Variants in MYO5B observed in about 807,000 individuals in gnomAD.
MYO5B encodes myosin VB, also known as unconventional myosin-Vb.
A neutral mutation model predicts 229.3 loss-of-function variants in MYO5B; 143 were observed. The ratio of observed to expected loss-of-function variants is 0.62; its 90% confidence interval spans 0.54 to 0.72. The LOEUF (loss-of-function observed/expected upper bound fraction) is 0.72. MYO5B is among the 30% of genes least tolerant of loss of function. The pLI is 0.00. For missense variants in MYO5B, 2,321 were observed against 2,331.0 expected, an observed-to-expected ratio of 1.00 and a Z score of 0.09; for synonymous variants, 918 against 885.2, an observed-to-expected ratio of 1.04 and a Z score of -0.66.
intron 4 of MYO5B, among the ~76,000 whole-genome samples, chr18:50,022,800 A>C (rs1465339347): frequency 1.3e-5 from 2 of 152,102 alleles, no homozygotes; most frequent in Non-Finnish European, 2.9e-5. Flanking sequence ...GAACCAAGGG[A>C]AGCATCCAGT....
At chr18:49,927,392 C>G (rs570592414) in intron 17 of MYO5B, among the ~76,000 whole-genome samples, 1 of 150,914 alleles carries the variant, frequency 6.6e-6, no homozygotes, top group African/African-American at 2.4e-5. Context: ...CATATGGAAC[C>G]AAAAAAGAGC....
chr18:49,939,148 C>CTTTTTTTTTTTT (rs11313115), intron 14 of MYO5B, among the ~76,000 whole-genome samples: 7 of 119,044 alleles, frequency 5.9e-5, no homozygotes, highest in Non-Finnish European at 9.8e-5. Flanking sequence ...TCTTTTTTTT[C>CTTTTTTTTTTTT]TTTTTTTTTT....
intron 14 of MYO5B, among the ~76,000 whole-genome samples, chr18:49,944,726 T>C (rs574421067): frequency 1.3e-5 from 2 of 152,254 alleles, no homozygotes; most frequent in African/African-American, 2.4e-5. Flanking sequence ...CCCTGGCTTC[T>C]ATCCACCAAG....
At chr18:49,994,026 A>C (rs895118869) in intron 5 of MYO5B, among the ~76,000 whole-genome samples, 1 of 151,974 alleles carries the variant, frequency 6.6e-6, no homozygotes, top group African/African-American at 2.4e-5. Flanking sequence ...CCCTCACCCA[A>C]GCTTCCCATA....
At position 49,898,866 on chromosome 18, in the gene MYO5B, A is replaced by C. The variant is rs200846677; in HGVS notation, c.2812-3692T>G. Among the ~76,000 whole-genome samples, 16 of 152,094 alleles carry C rather than the reference A, an allele frequency of 1.1e-4. No individual in the cohort carries two copies. In the East Asian group the frequency reaches 1.7e-3, roughly 17 times the overall value. On this transcript the variant is annotated intron_variant, in intron 21 of 39. Coordinates refer to ENST00000285039, the MANE Select transcript of MYO5B (RefSeq NM_001080467.3). The stretch of plus-strand genomic sequence containing the variant: ...TTTATCTTTGTTTCCTCCCTTACTG[A>C]CTTCTTGGCAGTGAGGATACATTTT...
At chr18:50,131,918 C>A (rs1353030124) in intron 1 of MYO5B, among the ~76,000 whole-genome samples, 2 of 152,226 alleles carry the variant, frequency 1.3e-5, no homozygotes, top group East Asian at 3.8e-4. Flanking sequence ...CATCCACAAT[C>A]AGATCTGGAC....
At chr18:50,063,637 A>G (rs774830619) in intron 1 of MYO5B, among the ~76,000 whole-genome samples, 2 of 152,250 alleles carry the variant, frequency 1.3e-5, no homozygotes, top group Non-Finnish European at 2.9e-5. Context: ...ACATAGCACA[A>G]TTATAATAAT....
At chr18:50,037,719 G>A (rs1185775538) in intron 3 of MYO5B, among the ~76,000 whole-genome samples, 1 of 152,160 alleles carries the variant, frequency 6.6e-6, no homozygotes, top group African/African-American at 2.4e-5. Context: ...GGTTAACACA[G>A]TGAGACCTCT....
At chr18:50,003,771 A>G (rs1200069183) in intron 4 of MYO5B, among the ~76,000 whole-genome samples, 1 of 152,260 alleles carries the variant, frequency 6.6e-6, no homozygotes, top group Non-Finnish European at 1.5e-5. Context: ...AGATAAATGG[A>G]TAAGTTTAGA....
intron 1 of MYO5B, among the ~76,000 whole-genome samples, chr18:50,112,881 G>A (rs2031892025): frequency 1.3e-5 from 2 of 152,006 alleles, no homozygotes; most frequent in Non-Finnish European, 2.9e-5. Context: ...AAAAAATTGG[G>A]TCATTTATTT....
chr18:49,833,417 G>A (rs870590), intron 39 of MYO5B, among the ~76,000 whole-genome samples: 13,253 of 152,266 alleles, frequency 0.087, 698 homozygotes, highest in African/African-American at 0.15. Context: ...CATTGTATAG[G>A]TAGAAACAAC....
intron 2 of MYO5B, among the ~76,000 whole-genome samples, chr18:50,044,214 G>A (rs1442984383): frequency 6.6e-6 from 1 of 152,142 alleles, no homozygotes; most frequent in Non-Finnish European, 1.5e-5. Flanking sequence ...GCAGATTCTT[G>A]GATGTGTGGA....
At chr18:49,965,234 A>C (rs151265900) in intron 10 of MYO5B, among the ~76,000 whole-genome samples, 42 of 152,342 alleles carry the variant, frequency 2.8e-4, no homozygotes, top group African/African-American at 8.9e-4. Flanking sequence ...GGATGTGCAG[A>C]TAAGACCCAG....
intron 5 of MYO5B, among the ~76,000 whole-genome samples, chr18:49,995,326 C>T (rs929109822): frequency 3.5e-5 from 5 of 144,240 alleles, no homozygotes; most frequent in Non-Finnish European, 6.1e-5. Flanking sequence ...GTGATCTCGG[C>T]TCACTGCAAG....
intron 25 of MYO5B, chr18:49,876,172 T>C (rs542179478): frequency 1.6e-4 from 60 of 363,876 alleles, no homozygotes; most frequent in Non-Finnish European, 2.9e-4. Flanking sequence ...GAAAATGGTC[T>C]CACACCAGAG....
intron 4 of MYO5B, among the ~76,000 whole-genome samples, chr18:50,025,561 G>A (rs2026321936): frequency 6.6e-6 from 1 of 152,174 alleles, no homozygotes; most frequent in Non-Finnish European, 1.5e-5. Context: ...TGTGCAGTGG[G>A]CATATGAACC....
intron 1 of MYO5B, among the ~76,000 whole-genome samples, chr18:50,066,265 G>A (rs1598993936): frequency 6.6e-6 from 1 of 152,080 alleles, no homozygotes; most frequent in Non-Finnish European, 1.5e-5. Flanking sequence ...ACAATGATAC[G>A]AAATCATGGA....
chr18:49,843,165 A>C, intron 34 of MYO5B, 76 bp downstream of exon 34: 1 of 1,588,002 alleles, frequency 6.3e-7, no homozygotes, highest in African/African-American at 1.3e-5. Context: ...CCAAACCCAG[A>C]CACAGAGAAG....
At chr18:50,116,589 A>G (rs1260617905) in intron 1 of MYO5B, among the ~76,000 whole-genome samples, 1 of 152,100 alleles carries the variant, frequency 6.6e-6, no homozygotes, top group Non-Finnish European at 1.5e-5. Flanking sequence ...TTCTCAATTA[A>G]CCCAATGGGA....
Sources: allele counts gnomAD v4.1 joint callset (sites outside exome capture counted in the v4.1 genomes callset), GRCh38; gene constraint gnomAD v4.1.1; transcripts MANE v1.5; gene names NCBI Gene and HGNC (gene_info 2026-07-23, HGNC 2026-07-21).